AKAP9: variants seen among roughly 807,000 people sequenced by gnomAD.
The protein encoded by AKAP9 is A-kinase anchoring protein 9.
In AKAP9, 311 loss-of-function variants were observed where a neutral mutation model predicts 488.5. The observed-to-expected ratio is 0.64, with a 90% CI of 0.58 to 0.70. The LOEUF is 0.70. Among genes scored for constraint, AKAP9 ranks in the 30% least tolerant of loss-of-function variants. AKAP9 has a pLI of 0.00. For synonymous variants in AKAP9, 1,462 were observed against 1,483.5 expected (o/e 0.99, Z 0.33); for missense variants, 4,215 against 4,374.5 (o/e 0.96, Z 1.03).
chr7:92,086,956 G>A (rs569023550), intron 37 of AKAP9, among the ~76,000 whole-genome samples: 4 of 152,150 alleles, frequency 2.6e-5, no homozygotes, highest in African/African-American at 4.8e-5. Flanking sequence ...CAGCCTTCTC[G>A]TACTTAGGAA....
At chr7:92,015,867 T>G (rs2130712802) in intron 10 of AKAP9, among the ~76,000 whole-genome samples, 1 of 152,284 alleles carries the variant, frequency 6.6e-6, no homozygotes, top group East Asian at 1.9e-4. Flanking sequence ...ATAAGATAAA[T>G]TTTATTATTA....
chr7:91,981,471 G>T (rs565122945), intron 3 of AKAP9, among the ~76,000 whole-genome samples: 1 of 151,956 alleles, frequency 6.6e-6, no homozygotes, highest in African/African-American at 2.4e-5. Context: ...GCCATTAAGG[G>T]TCTTAGGCAT....
rs200327385 is a variant in AKAP9 at position 92,102,726 on chromosome 7, G to C, written c.11230G>C (p.Gly3744Arg). 25 of 1,614,082 alleles carry C rather than the reference G, an allele frequency of 1.5e-5. No homozygotes were observed. The highest frequency in any genetic ancestry group is 2.2e-5 in the East Asian group (1 of 44,902). The part of the protein sequence containing the change: ...DATLALLARM[G>R]GQPAFTDLEV... The stretch of plus-strand genomic sequence containing the variant: ...CACCTTGGCCCTGCTTGCCCGGATG[G>C]GGGGGCAGCCAGCTTTCACGGATCT... Residue 3744 changes from glycine to arginine, a missense_variant, in exon 46 of 50, where the codon GGG becomes CGG. Around this residue, in one of 5 missense-constraint regions of AKAP9, gnomAD observed 253 missense variants for 266.8 expected, o/e 0.95. Coordinates refer to ENST00000356239, the MANE Select transcript of AKAP9 (RefSeq NM_005751.5).
chr7:92,040,830 G>C lies in AKAP9; in HGVS notation c.4849G>C (p.Glu1617Gln). 1 of 1,614,010 alleles carries C rather than the reference G, an allele frequency of 6.2e-7. No individual in the cohort carries two copies. The highest frequency in any genetic ancestry group is 8.5e-7 in the Non-Finnish European group (1 of 1,180,016). Residue 1617 changes from glutamate to glutamine, a missense_variant, in exon 18 of 50, where the codon GAG (glutamate) becomes CAG (glutamine). By Grantham distance (29) the Glu-to-Gln change is conservative (BLOSUM62 2). Coordinates refer to ENST00000356239, the MANE Select transcript of AKAP9 (RefSeq NM_005751.5). Reference sequence around the variant, plus strand: ...AAGGCAAGCACATATGCGGCAAATGGAGAGACAGCGAGAAGACCAGGAACA... The same window carrying C: ...AAGGCAAGCACATATGCGGCAAATGCAGAGACAGCGAGAAGACCAGGAACA... ...LLRQAHMRQM[E>Q]RQREDQEQLQ...
Position 92,001,170 on chromosome 7 carries a change from T to G in AKAP9, c.1253T>G (p.Ile418Arg), listed in dbSNP as rs752626437. 6 of 1,613,878 alleles carry G rather than the reference T, an allele frequency of 3.7e-6. No individual in the cohort carries two copies. The African/African-American group carries it at 8.0e-5, about 22-fold the overall frequency. The change falls in exon 8 of 50, where the codon ATA (isoleucine) becomes AGA (arginine). Residue 418 changes from isoleucine (I) to arginine (R), a missense_variant. This residue lies in a region of AKAP9 where 2,361 missense variants were observed against 2,430.0 expected (regional missense o/e 0.97). Transcript: ENST00000356239. Reference protein sequence around the residue: ...NHKDSQFETDIVQRMEQETQR... With the variant: ...NHKDSQFETDRVQRMEQETQR... ...AAAGACAGCCAGTTCGAAACTGATA[T>G]AGTACAACGAATGGAACAAGAAACA...
At chr7:92,093,937 A>G (rs1398059616) in intron 39 of AKAP9, among the ~76,000 whole-genome samples, 1 of 151,914 alleles carries the variant, frequency 6.6e-6, no homozygotes, top group Non-Finnish European at 1.5e-5. Flanking sequence ...TGCAACCTCC[A>G]CCACCCGGGT....
chr7:92,036,931 G>A (rs1018458103), intron 16 of AKAP9, among the ~76,000 whole-genome samples: 18 of 152,142 alleles, frequency 1.2e-4, no homozygotes, highest in African/African-American at 4.1e-4. Context: ...GCTAGCATAG[G>A]CACCCAGAGG....
At chr7:92,050,705 T>G (rs1233262650) in intron 21 of AKAP9, among the ~76,000 whole-genome samples, 2 of 152,200 alleles carry the variant, frequency 1.3e-5, no homozygotes, top group Admixed American at 1.3e-4. Context: ...ATGTATCTAC[T>G]TCCAAGGTTT....
At chr7:92,064,278 C>G (rs1414073864) in intron 24 of AKAP9, among the ~76,000 whole-genome samples, 1 of 151,806 alleles carries the variant, frequency 6.6e-6, no homozygotes, top group Non-Finnish European at 1.5e-5. Context: ...AAGCTGTTTT[C>G]TAGAGATTCC....
intron 22 of AKAP9, among the ~76,000 whole-genome samples, chr7:92,058,653 C>T (rs1374175494): frequency 1.3e-5 from 2 of 152,034 alleles, no homozygotes; most frequent in East Asian, 1.9e-4. Context: ...AAAAAGATCC[C>T]GCTTTTCCTT....
In AKAP9 at chr7:92,017,119, A is replaced by G. The variant is rs760590257; in HGVS notation, c.3837+17A>G. ...CTAAGCAAGGTCTGTGAGATGGAAA[A>G]TATATTGTAATATTTGCATTTATTG... On this transcript the variant is annotated intron_variant, in intron 12 of 49. Transcript: ENST00000356239. 1 of 1,496,988 alleles carries G rather than the reference A, an allele frequency of 6.7e-7. No homozygotes were observed. The allele number at this position is 1,496,988 out of a possible 1,614,324, so 92.7% of individuals were successfully genotyped here. A position where few individuals can be genotyped will look rare whatever the true frequency, so the allele number is the denominator to read the frequency against.
intron 17 of AKAP9, among the ~76,000 whole-genome samples, chr7:92,040,388 C>G (rs1430917189): frequency 6.6e-6 from 1 of 151,856 alleles, no homozygotes; most frequent in Non-Finnish European, 1.5e-5. Context: ...TCTTAAGTAT[C>G]TTAGTTCTTT....
intron 43 of AKAP9, among the ~76,000 whole-genome samples, chr7:92,098,636 T>C (rs1441058843): frequency 6.6e-6 from 1 of 152,222 alleles, no homozygotes; most frequent in African/African-American, 2.4e-5. Context: ...CTCTCTTTCC[T>C]TGCCTGTCAT....
intron 11 of AKAP9, 45 bp downstream of exon 11, chr7:92,016,312 A>T: frequency 7.6e-7 from 1 of 1,318,750 alleles, no homozygotes; most frequent in Non-Finnish European, 1.0e-6. Context: ...TAATCCTCTT[A>T]AATTAATTGA....
Position 91,941,046 on chromosome 7 carries a change from C to CT in AKAP9, c.-53dup. On this transcript the variant is annotated 5_prime_UTR_variant, in exon 1 of 50. Coordinates refer to ENST00000356239, the MANE Select transcript of AKAP9 (RefSeq NM_005751.5). ...CTCCGTCCAAATCGACCTTTCCTTT[C>CT]TATCCCCAACCACCCCTCAACCCCT... 1 of 1,561,602 alleles carries CT rather than the reference C, an allele frequency of 6.4e-7. No homozygotes were observed. The highest frequency in any genetic ancestry group is 8.8e-7 in the Non-Finnish European group (1 of 1,132,158).
At chr7:92,065,695 T>C in intron 25 of AKAP9, among the ~76,000 whole-genome samples, 1 of 152,218 alleles carries the variant, frequency 6.6e-6, no homozygotes, top group East Asian at 1.9e-4. Context: ...TATTGAATTA[T>C]ACATGATAAA....
At chr7:92,040,315 T>C (rs967355631) in intron 17 of AKAP9, among the ~76,000 whole-genome samples, 15 of 152,190 alleles carry the variant, frequency 9.9e-5, no homozygotes, top group Non-Finnish European at 2.1e-4. Flanking sequence ...ATGGATATTA[T>C]TTTCCCTTCA....
chr7:92,097,936 C>A, intron 42 of AKAP9, 142 bp downstream of exon 42: 1 of 946,172 alleles, frequency 1.1e-6, no homozygotes, highest in Non-Finnish European at 1.7e-6. Flanking sequence ...TATTCTTTAA[C>A]AGAACTCAAA....
intron 20 of AKAP9, 54 bp downstream of exon 20, chr7:92,042,825 A>G: frequency 8.3e-7 from 1 of 1,200,232 alleles, no homozygotes; most frequent in Non-Finnish European, 1.2e-6. Flanking sequence ...GGTTGTTTCA[A>G]TGTAATAGAC....
Sources: gnomAD v4.1 joint callset for allele counts (sites outside exome capture counted in the v4.1 genomes callset) on GRCh38, gnomAD v4.1.1 for gene constraint, gnomAD v4.1.1 regional missense constraint, MANE v1.5 for transcripts, NCBI Gene and HGNC (gene_info 2026-07-23, HGNC 2026-07-21) for gene names.